The following PTPN14 variants were observed in gnomAD, a reference collection of about 807,000 sequenced individuals.
PTPN14 encodes protein tyrosine phosphatase non-receptor type 14.
PTPN14 carries 53 observed loss-of-function variants against 126.8 expected under a neutral mutation model. The observed-to-expected ratio is 0.42, with a 90% CI of 0.34 to 0.53. PTPN14 has a LOEUF of 0.53. PTPN14 is among the 20% of genes least tolerant of loss of function. The pLI, the probability that PTPN14 is intolerant of heterozygous loss-of-function variation, is 0.08. For missense variants in PTPN14, 1,257 were observed against 1,552.9 expected, an observed-to-expected ratio of 0.81 and a Z score of 3.20; for synonymous variants, 630 against 599.3, an observed-to-expected ratio of 1.05 and a Z score of -0.75.
chr1:214,380,421 T>A (rs1004439188), intron 13 of PTPN14, among the ~76,000 whole-genome samples: 1 of 152,112 alleles, frequency 6.6e-6, no homozygotes, highest in African/African-American at 2.4e-5. Context: ...ATAAAAAAAA[T>A]AATAATAATT....
At chr1:214,539,055 T>C (rs1655776912) in intron 1 of PTPN14, among the ~76,000 whole-genome samples, 1 of 152,198 alleles carries the variant, frequency 6.6e-6, no homozygotes. Context: ...GTCTAGCTAT[T>C]TAAAAAATTA....
At position 214,509,796 on chromosome 1, in the gene PTPN14, T is replaced by C. The variant is rs574967538; in HGVS notation, c.-155+41387A>G. On this transcript the variant is annotated intron_variant, in intron 1 of 18. Transcript: ENST00000366956. ...AATGTGGCACATATACACCATGGAA[T>C]ACTATGCAGCCATAAAAAAGGATGA... 4.6e-5 allele frequency among the ~76,000 whole-genome samples: 7 copies of C among 152,302 alleles called. No individual in the cohort carries two copies. In the East Asian group the frequency reaches 1.3e-3, roughly 29 times the overall value.
intron 1 of PTPN14, among the ~76,000 whole-genome samples, chr1:214,481,670 G>T (rs1660991435): frequency 6.6e-6 from 1 of 151,868 alleles, no homozygotes; most frequent in African/African-American, 2.4e-5. Flanking sequence ...GGTAAACAAG[G>T]ATTCCAATAC....
chr1:214,420,824 C>T (rs755837556), intron 3 of PTPN14, among the ~76,000 whole-genome samples: 28 of 152,264 alleles, frequency 1.8e-4, no homozygotes, highest in Middle Eastern at 3.4e-3. Context: ...TAAAAGGGCC[C>T]GACATGGTTC....
intron 5 of PTPN14, among the ~76,000 whole-genome samples, chr1:214,407,349 A>AC (rs937433188): frequency 2.0e-5 from 3 of 151,538 alleles, no homozygotes; most frequent in South Asian, 2.1e-4. Flanking sequence ...ACATGGTGAA[A>AC]CCCCCCGTCT....
chr1:214,518,422 A>G (rs1655161652), intron 1 of PTPN14, among the ~76,000 whole-genome samples: 1 of 152,226 alleles, frequency 6.6e-6, no homozygotes, highest in African/African-American at 2.4e-5. Context: ...AAGGTCATTA[A>G]GCATATTAAA....
intron 17 of PTPN14, among the ~76,000 whole-genome samples, chr1:214,367,963 G>C (rs1476801990): frequency 6.6e-6 from 1 of 152,130 alleles, no homozygotes; most frequent in Non-Finnish European, 1.5e-5. Context: ...ACATAATCTG[G>C]TGAATTAGTT....
chr1:214,417,795 T>C (rs372851732), intron 3 of PTPN14, among the ~76,000 whole-genome samples: 43 of 152,164 alleles, frequency 2.8e-4, no homozygotes, highest in African/African-American at 9.4e-4. Context: ...GCCGGGTACG[T>C]GTTGCTTTTA....
At chr1:214,493,742 T>A (rs1661299711) in intron 1 of PTPN14, among the ~76,000 whole-genome samples, 2 of 152,154 alleles carry the variant, frequency 1.3e-5, no homozygotes, top group Non-Finnish European at 1.5e-5. Flanking sequence ...TATGCAAGAC[T>A]CGTATATATA....
chr1:214,386,732 T>C, intron 12 of PTPN14, 112 bp downstream of exon 12: 2 of 1,137,890 alleles, frequency 1.8e-6, no homozygotes, highest in Admixed American at 2.1e-5. Context: ...ATTCAGACGA[T>C]GACAAAGTTG....
chr1:214,474,194 C>T (rs559330775), intron 1 of PTPN14, among the ~76,000 whole-genome samples: 15 of 152,268 alleles, frequency 9.9e-5, no homozygotes, highest in African/African-American at 3.1e-4. Context: ...AATACCTCAC[C>T]TATATGAAAC....
chr1:214,372,915 T>C (rs1322057267), intron 15 of PTPN14, 76 bp from the exon 16 acceptor site: 4 of 1,573,314 alleles, frequency 2.5e-6, no homozygotes, highest in Middle Eastern at 1.7e-4. Flanking sequence ...TGTCCATCTG[T>C]ATCCACCTTA....
At chr1:214,372,951 G>T in intron 15 of PTPN14, 112 bp from the exon 16 acceptor site, 1 of 1,420,570 alleles carries the variant, frequency 7.0e-7, no homozygotes, top group Non-Finnish European at 9.5e-7. Flanking sequence ...TTTTGGGGCC[G>T]AATGAATTAG....
chr1:214,452,016 A>G, intron 2 of PTPN14, 42 bp from the exon 3 acceptor site: 1 of 1,578,456 alleles, frequency 6.3e-7, no homozygotes, highest in South Asian at 1.2e-5. Flanking sequence ...TGCTCACCAC[A>G]AGCATCCCAA....
chr1:214,483,066 C>T, intron 1 of PTPN14: 4 of 1,610,718 alleles, frequency 2.5e-6, no homozygotes, highest in Non-Finnish European at 3.4e-6. Context: ...AAAATCAAAT[C>T]CAGTTCACAG....
chr1:214,428,839 T>C (rs1174627206), intron 3 of PTPN14, among the ~76,000 whole-genome samples: 1 of 152,234 alleles, frequency 6.6e-6, no homozygotes, highest in Non-Finnish European at 1.5e-5. Context: ...AAAAACATCA[T>C]CATTTTTTGT....
chr1:214,452,164 GAGTATC>G (rs1225571989), intron 2 of PTPN14, among the ~76,000 whole-genome samples, 190 bp from the exon 3 acceptor site: 6 of 152,204 alleles, frequency 3.9e-5, no homozygotes, highest in African/African-American at 1.4e-4. Context: ...AACATACATG[GAGTATC>G]CAGATGCAGT....
chr1:214,526,447 A>G (rs73079704), intron 1 of PTPN14, among the ~76,000 whole-genome samples: 2,499 of 152,270 alleles, frequency 0.016, 22 homozygotes, highest in South Asian at 0.029. Context: ...AATATATTCA[A>G]TTGCCAATAA....
At chr1:214,467,374 G>A (rs148281835) in intron 1 of PTPN14, among the ~76,000 whole-genome samples, 3 of 152,284 alleles carry the variant, frequency 2.0e-5, no homozygotes, top group Non-Finnish European at 4.4e-5. Context: ...TTCTAACCCT[G>A]AGCCAGGCAC....
Sources: gnomAD v4.1 joint callset for allele counts (sites outside exome capture counted in the v4.1 genomes callset) on GRCh38, gnomAD v4.1.1 for gene constraint, MANE v1.5 for transcripts, NCBI Gene and HGNC (gene_info 2026-07-23, HGNC 2026-07-21) for gene names.